The following CFAP52 variants were observed in gnomAD, a reference collection of about 807,000 sequenced individuals.
CFAP52 encodes the protein cilia- and flagella-associated protein 52.
CFAP52 carries 57 observed loss-of-function variants against 70.5 expected under a neutral mutation model. The ratio of observed to expected loss-of-function variants is 0.81; its 90% CI spans 0.65 to 1.01. The LOEUF is 1.01. CFAP52 is among the 50% of genes least tolerant of loss of function. CFAP52 has a pLI of 0.00. For missense variants in CFAP52, 785 were observed against 788.5 expected (o/e 1.00, Z 0.05); for synonymous variants, 267 against 292.5 (o/e 0.91, Z 0.89).
At chr17:9,631,414 T>C (rs1436098301) in intron 9 of CFAP52, among the ~76,000 whole-genome samples, 7 of 152,166 alleles carry the variant, frequency 4.6e-5, no homozygotes, top group Admixed American at 2.0e-4. Flanking sequence ...TTTGCTGAAA[T>C]GGGATCTACC....
chr17:9,600,513 G>C (rs2151936567), intron 6 of CFAP52, among the ~76,000 whole-genome samples: 1 of 152,250 alleles, frequency 6.6e-6, no homozygotes, highest in Non-Finnish European at 1.5e-5. Context: ...AAAGTGCTGG[G>C]ATTACAGGTG....
chr17:9,585,033 T>C (rs1052437873), intron 1 of CFAP52, among the ~76,000 whole-genome samples: 1 of 152,174 alleles, frequency 6.6e-6, no homozygotes, highest in Admixed American at 6.5e-5. Context: ...GCCAAATTTT[T>C]ATATTTACCC....
chr17:9,634,866 G>GTATT (rs983313300), intron 10 of CFAP52, among the ~76,000 whole-genome samples: 9 of 152,258 alleles, frequency 5.9e-5, no homozygotes, highest in African/African-American at 2.2e-4. Context: ...GTAGGTAGTT[G>GTATT]TATTACCTAT....
chr17:9,593,893 A>T (rs955925051), intron 3 of CFAP52, among the ~76,000 whole-genome samples: 3 of 151,868 alleles, frequency 2.0e-5, no homozygotes, highest in African/African-American at 7.3e-5. Flanking sequence ...TGAATCCAGG[A>T]GGCGGAGGTT....
At chr17:9,584,401 A>C in intron 1 of CFAP52, 1 of 1,263,226 alleles carries the variant, frequency 7.9e-7, no homozygotes, top group Middle Eastern at 2.2e-4. Flanking sequence ...ACCGAAAGTT[A>C]AAAAAATTAT....
chr17:9,635,699 G>A lies in CFAP52; in HGVS notation c.1472+143G>A, dbSNP rs144485665. 3.2e-3 allele frequency: 3,399 copies of A among 1,070,696 alleles called. 25 individuals are homozygous for A. Among genetic ancestry groups the A allele is most frequent in the South Asian group, 8.3e-3 (534 of 64,010 alleles). The allele number at this position is 1,070,696 out of a possible 1,614,324, so 66.3% of individuals were successfully genotyped here. A position where few individuals can be genotyped will look rare whatever the true frequency, so the allele number is the denominator to read the frequency against. ...AGTAAAGGGATGTTCATCAGAAGCC[G>A]TTCATGACGGTCCATGGTTTATCGA... is the stretch of plus-strand genomic sequence containing the variant. On this transcript the variant is annotated intron_variant, in intron 11 of 13. Transcript: ENST00000352665.
At chr17:9,579,236 C>T (rs1567617711) in intron 1 of CFAP52, among the ~76,000 whole-genome samples, 1 of 152,038 alleles carries the variant, frequency 6.6e-6, no homozygotes, top group Admixed American at 6.6e-5. Flanking sequence ...AGAGAAAAGA[C>T]AGAACTTTCA....
In CFAP52 at chr17:9,576,663, G is replaced by A; in HGVS notation, c.-33G>A. 1.9e-6 allele frequency: 3 copies of A among 1,587,826 alleles called. No homozygotes were observed. The highest frequency in any genetic ancestry group is 2.6e-6 in the Non-Finnish European group (3 of 1,163,226). ...GACCAGAAGACGCTGCAGCCACTAG[G>A]GAGGAGAGCAAAGTAATCAGAACCT... On this transcript the variant is annotated 5_prime_UTR_variant, in exon 1 of 14. Coordinates refer to ENST00000352665, the MANE Select transcript of CFAP52 (RefSeq NM_145054.5).
At chr17:9,606,742 C>T (rs556618650) in intron 6 of CFAP52, among the ~76,000 whole-genome samples, 2 of 152,304 alleles carry the variant, frequency 1.3e-5, no homozygotes, top group African/African-American at 4.8e-5. Flanking sequence ...ATCCCCAAGT[C>T]CCCAGATAAA....
chr17:9,597,348 A>C (rs1243718273), intron 4 of CFAP52, among the ~76,000 whole-genome samples: 1 of 152,160 alleles, frequency 6.6e-6, no homozygotes, highest in Non-Finnish European at 1.5e-5. Flanking sequence ...GTATACTTGA[A>C]AATTGCTAAC....
In CFAP52 at chr17:9,628,826, G is replaced by A. The variant is rs774619043; in HGVS notation, c.1174+6G>A. On this transcript the variant is annotated splice_donor_region_variant and intron_variant, in intron 9 of 13. Coordinates refer to ENST00000352665, the MANE Select transcript of CFAP52 (RefSeq NM_145054.5). ...CGGCAAAAGCATCATTTCAGGTAAC[G>A]TCCACATGTCAAGATCTGGCTTGGG... 11 of 1,613,938 alleles carry A rather than the reference G, an allele frequency of 6.8e-6. No individual in the cohort carries two copies. The Admixed American group carries it at 1.5e-4, about 22-fold the overall frequency.
chr17:9,586,250 C>T (rs535749124), intron 2 of CFAP52, among the ~76,000 whole-genome samples: 1 of 152,120 alleles, frequency 6.6e-6, no homozygotes, highest in East Asian at 1.9e-4. Flanking sequence ...GTTTGTAGAA[C>T]CTGATCCGAT....
In CFAP52 at chr17:9,585,512, C is replaced by CA. The variant is rs1226976034; in HGVS notation, c.71-252dup. Among the ~76,000 whole-genome samples, 239 of 151,302 alleles carry CA rather than the reference C, an allele frequency of 1.6e-3. 2 individuals are homozygous for CA. Among genetic ancestry groups the CA allele is most frequent in the East Asian group, 9.3e-3 (48 of 5,156 alleles). ...TGAAACCCCGTCTCTACTAAAAATA[C>CA]AAAAAAAAATTAGCCAGGTGTGGTG... On this transcript the variant is annotated intron_variant, in intron 1 of 13. Coordinates refer to ENST00000352665, the MANE Select transcript of CFAP52 (RefSeq NM_145054.5).
In CFAP52 at chr17:9,628,760, G is replaced by A. The variant is rs150503527; in HGVS notation, c.1114G>A (p.Val372Met). 3.9e-5 allele frequency: 63 copies of A among 1,614,042 alleles called. No homozygotes were observed. Among genetic ancestry groups the A allele is most frequent in the Non-Finnish European group, 5.1e-5 (60 of 1,180,054 alleles). ...SSNRELLRIT[V>M]PNMTCHGIDF... ...CAACAGGGAGCTGCTGCGGATCACC[G>A]TGCCCAACATGACCTGCCACGGCAT... is the stretch of plus-strand genomic sequence containing the variant. The change falls in exon 9 of 14, where the codon GTG becomes ATG. Residue 372 changes from valine to methionine, a missense_variant. Coordinates refer to ENST00000352665, the MANE Select transcript of CFAP52 (RefSeq NM_145054.5).
intron 2 of CFAP52, 40 bp downstream of exon 2, chr17:9,586,012 A>T: frequency 6.3e-7 from 1 of 1,598,682 alleles, no homozygotes; most frequent in Non-Finnish European, 8.6e-7. Flanking sequence ...ATTTATCTAG[A>T]GGTGCCTCCC....
chr17:9,622,008 A>AAAAT (rs1197494155), intron 8 of CFAP52, among the ~76,000 whole-genome samples: 27 of 152,294 alleles, frequency 1.8e-4, no homozygotes, highest in Admixed American at 5.2e-4. Context: ...GTATAATAAA[A>AAAAT]AAATAAATAA....
intron 3 of CFAP52, 129 bp from the exon 4 acceptor site, chr17:9,594,064 A>G: frequency 7.4e-7 from 1 of 1,345,700 alleles, no homozygotes; most frequent in African/African-American, 1.5e-5. Flanking sequence ...GGGTGGGGTA[A>G]TTTTGTTGTT....
chr17:9,626,266 G>T (rs1910229796), intron 8 of CFAP52, among the ~76,000 whole-genome samples: 1 of 152,212 alleles, frequency 6.6e-6, no homozygotes, highest in Non-Finnish European at 1.5e-5. Context: ...TTTTGTTCTT[G>T]TTGCCCAGGC....
At chr17:9,585,378 TAA>T (rs1181259435) in intron 1 of CFAP52, among the ~76,000 whole-genome samples, 1 of 152,106 alleles carries the variant, frequency 6.6e-6, no homozygotes, top group African/African-American at 2.4e-5. Context: ...GGCTTATTTT[TAA>T]AGTGTTGGCC....
Sources: gnomAD v4.1 joint callset for allele counts (sites outside exome capture counted in the v4.1 genomes callset) on GRCh38, gnomAD v4.1.1 for gene constraint, MANE v1.5 for transcripts, NCBI Gene and HGNC (gene_info 2026-07-23, HGNC 2026-07-21) for gene names.